NECTIN2: variants seen among roughly 807,000 people sequenced by gnomAD.
NECTIN2 encodes the protein nectin cell adhesion molecule 2.
NECTIN2 carries 23 observed loss-of-function variants against 56.9 expected under a neutral mutation model. The ratio of observed to expected loss-of-function variants is 0.40; its 90% CI spans 0.29 to 0.57. NECTIN2 has a LOEUF of 0.57. NECTIN2 is among the 20% of genes least tolerant of loss of function. The probability of loss-of-function intolerance (pLI) is 0.38; values close to 1 mark genes in which losing one functional copy is unlikely to be tolerated. For synonymous variants in NECTIN2, 302 were observed against 313.8 expected, an observed-to-expected ratio of 0.96 and a Z score of 0.40; for missense variants, 587 against 718.3, an observed-to-expected ratio of 0.82 and a Z score of 2.09.
In NECTIN2 at chr19:44,882,163, C is replaced by T; in HGVS notation, c.1043-48C>T. 2.2e-6 allele frequency: 3 copies of T among 1,368,078 alleles called. No homozygotes were observed. In the South Asian group the frequency reaches 5.7e-5, roughly 26 times the overall value. 84.7% of individuals were successfully genotyped at this position (1,368,078 alleles called of 1,614,324 possible). On this transcript the variant is annotated intron_variant, in intron 5 of 8. Transcript: ENST00000252483. ...TGGGATGGTCGCTTGGAATAAGGAG[C>T]TGTGGCTTCCTCCTGGAGACCCCCT...
chr19:44,853,697 C>T (rs1163736601), intron 1 of NECTIN2, among the ~76,000 whole-genome samples: 2 of 152,166 alleles, frequency 1.3e-5, no homozygotes, highest in Admixed American at 6.5e-5. Context: ...CCATGTTGGC[C>T]AGGCTGGTCT....
At chr19:44,876,386 T>G (rs1055893576) in intron 5 of NECTIN2, among the ~76,000 whole-genome samples, 9 of 151,818 alleles carry the variant, frequency 5.9e-5, no homozygotes, top group African/African-American at 2.2e-4. Flanking sequence ...ACAGACGCAA[T>G]AGAGAAAGAC....
intron 1 of NECTIN2, among the ~76,000 whole-genome samples, chr19:44,855,147 CT>C (rs1968950945): frequency 6.9e-6 from 1 of 144,704 alleles, no homozygotes; most frequent in African/African-American, 2.6e-5. Flanking sequence ...CTGAGTCAGC[CT>C]GGCGCAGTGG....
chr19:44,865,268 C>G lies in NECTIN2; in HGVS notation c.89-3C>G. 6.2e-7 allele frequency: 1 copy of G among 1,605,602 alleles called. No homozygotes were observed. On this transcript the variant is annotated splice_region_variant and splice_polypyrimidine_tract_variant and intron_variant, in intron 1 of 8. Transcript: ENST00000252483. This position sits in a 1 kb window ranked among gnomAD's most constrained non-coding sequence, Gnocchi z 5.2. ...TACTTCACTCTCTGTCCTCTCTGCCCAGGAGCCCAGGATGTGCGAGTTCAA... is the reference window on the plus strand; with the variant it reads ...TACTTCACTCTCTGTCCTCTCTGCCGAGGAGCCCAGGATGTGCGAGTTCAA...
At chr19:44,858,543 G>A (rs866274142) in intron 1 of NECTIN2, among the ~76,000 whole-genome samples, 134 of 151,652 alleles carry the variant, frequency 8.8e-4, no homozygotes, top group African/African-American at 3.2e-3. Flanking sequence ...GGCTGGTCTC[G>A]AACTCCTGAC....
In NECTIN2 at chr19:44,871,834, C is replaced by T. The variant is rs749213698; in HGVS notation, c.479-19C>T. On this transcript the variant is annotated intron_variant, in intron 2 of 8. Coordinates refer to ENST00000252483, the MANE Select transcript of NECTIN2 (RefSeq NM_001042724.2). ...ACTGCCGGTGAGGAGTGACGCACCC[C>T]CTCTCCTCCTCTCCCCAGCCAAGCC... 4 of 1,606,902 alleles carry T rather than the reference C, an allele frequency of 2.5e-6. No homozygotes were observed. The highest frequency in any genetic ancestry group is 2.6e-6 in the Non-Finnish European group (3 of 1,174,402).
At chr19:44,853,647 C>T (rs1968928833) in intron 1 of NECTIN2, among the ~76,000 whole-genome samples, 1 of 151,782 alleles carries the variant, frequency 6.6e-6, no homozygotes, top group African/African-American at 2.4e-5. Flanking sequence ...CGCCACCACG[C>T]CCGGCTAATT....
chr19:44,848,984 G>A (rs1022594845), intron 1 of NECTIN2, among the ~76,000 whole-genome samples: 1 of 152,184 alleles, frequency 6.6e-6, no homozygotes, highest in Non-Finnish European at 1.5e-5. Flanking sequence ...ACGTAGTGGA[G>A]GGGGAGGGGA....
rs544229520 is a variant in NECTIN2, at chr19:44,846,340, G to A, written c.-186G>A. The A allele has an allele frequency of 6.3e-6, 4 of 636,312 alleles. No individual in the cohort carries two copies. The highest frequency in any genetic ancestry group is 7.1e-5 in the East Asian group (2 of 28,070). 39.4% of individuals were successfully genotyped at this position (636,312 alleles called of 1,614,324 possible). A position where few individuals can be genotyped will look rare whatever the true frequency, so the allele number is the denominator to read the frequency against. ...AACCGCCGGAGCTGAGCGAGAGGCC[G>A]GGGGTGCCGAGCCGGGCGGGGAGAG... On this transcript the variant is annotated 5_prime_UTR_variant, in exon 1 of 9. Coordinates refer to ENST00000252483, the MANE Select transcript of NECTIN2 (RefSeq NM_001042724.2).
chr19:44,873,216 G>A (rs1969197730), intron 3 of NECTIN2, among the ~76,000 whole-genome samples: 1 of 152,106 alleles, frequency 6.6e-6, no homozygotes, highest in Admixed American at 6.6e-5. Flanking sequence ...GCTCCCCCAG[G>A]CAACATGCAT....
rs1969097095 is a variant in NECTIN2, at chr19:44,865,980, C to T, written c.478+320C>T. Among the ~76,000 whole-genome samples the T allele has an allele frequency of 6.6e-6, 1 of 152,102 alleles. No homozygotes were observed. Among genetic ancestry groups the T allele is most frequent in the Non-Finnish European group, 1.5e-5 (1 of 68,018 alleles). On this transcript the variant is annotated intron_variant, in intron 2 of 8. Coordinates refer to ENST00000252483, the MANE Select transcript of NECTIN2 (RefSeq NM_001042724.2). This position sits in a 1 kb window ranked among gnomAD's most constrained non-coding sequence, Gnocchi z 5.2. ...CTGAGGTCAGGAGTTCAAGACCAGC[C>T]TGGCCAACATGGTGAAACCCTGTCT...
chr19:44,848,852 C>T (rs1224337926), intron 1 of NECTIN2, among the ~76,000 whole-genome samples: 1 of 152,174 alleles, frequency 6.6e-6, no homozygotes, highest in African/African-American at 2.4e-5. Flanking sequence ...AGCTCCACTG[C>T]CTCCCCCGCT....
chr19:44,876,311 A>G, intron 5 of NECTIN2, among the ~76,000 whole-genome samples: 1 of 68,000 alleles, frequency 1.5e-5, no homozygotes, highest in Non-Finnish European at 2.9e-5. Flanking sequence ...CCCCAGATAC[A>G]CCTGACAAGC....
At chr19:44,847,082 T>C (rs1054514773) in intron 1 of NECTIN2, among the ~76,000 whole-genome samples, 3 of 152,070 alleles carry the variant, frequency 2.0e-5, no homozygotes, top group Non-Finnish European at 4.4e-5. Flanking sequence ...CCCCTATTTT[T>C]CCTTCTTCCC....
chr19:44,862,079 A>G (rs1237619749), intron 1 of NECTIN2, among the ~76,000 whole-genome samples: 1 of 152,232 alleles, frequency 6.6e-6, no homozygotes, highest in Non-Finnish European at 1.5e-5. Context: ...AATACCAAAG[A>G]CATGGACTCA....
intron 8 of NECTIN2, among the ~76,000 whole-genome samples, chr19:44,887,295 G>C (rs2122719059): frequency 6.6e-6 from 1 of 152,054 alleles, no homozygotes; most frequent in South Asian, 2.1e-4. Context: ...GTTGCAATGA[G>C]CTGAGACCAC....
At chr19:44,878,655 C>T in intron 5 of NECTIN2, 1 of 1,556,094 alleles carries the variant, frequency 6.4e-7, no homozygotes, top group South Asian at 1.2e-5. Context: ...CAGGCCCGGC[C>T]CTCCCGCCCC....
chr19:44,864,721 A>C (rs923567012), intron 1 of NECTIN2, among the ~76,000 whole-genome samples: 11 of 152,048 alleles, frequency 7.2e-5, no homozygotes, highest in African/African-American at 2.7e-4. Context: ...CCAGGTACTC[A>C]GGAGGCTGAG....
intron 1 of NECTIN2, among the ~76,000 whole-genome samples, chr19:44,850,236 G>A (rs1224663626): frequency 6.6e-6 from 1 of 151,988 alleles, no homozygotes; most frequent in Non-Finnish European, 1.5e-5. Flanking sequence ...GAGAGACCCT[G>A]GGAATTGGAG....
Sources: gnomAD v4.1 joint callset for allele counts (sites outside exome capture counted in the v4.1 genomes callset) on GRCh38, gnomAD v4.1.1 for gene constraint, Gnocchi (gnomAD v3.1) non-coding constraint, MANE v1.5 for transcripts, NCBI Gene and HGNC (gene_info 2026-07-23, HGNC 2026-07-21) for gene names.